Variants in NINL observed in about 807,000 individuals in gnomAD.
NINL encodes ninein-like protein.
Under a neutral mutation model 160.3 loss-of-function variants are expected in NINL, and 153 were observed. The ratio of observed to expected loss-of-function variants is 0.95; its 90% CI spans 0.84 to 1.09. NINL has a LOEUF of 1.09. Among genes scored for constraint, NINL ranks in the 50% least tolerant of loss-of-function variants. NINL has a pLI of 0.00. For synonymous variants in NINL, 800 were observed against 734.8 expected, an observed-to-expected ratio of 1.09 and a Z score of -1.43; for missense variants, 1,829 against 1,764.0, an observed-to-expected ratio of 1.04 and a Z score of -0.66.
intron 1 of NINL, among the ~76,000 whole-genome samples, chr20:25,569,150 C>T (rs2065026753): frequency 6.6e-6 from 1 of 151,342 alleles, no homozygotes; most frequent in Admixed American, 6.6e-5. Context: ...ATCACTTGAA[C>T]CCAGGAGGTG....
rs757495782 is a variant in NINL at position 25,476,273 on chromosome 20, C to A, written c.3018G>T (p.Glu1006Asp). The A allele has an allele frequency of 1.2e-6, 2 of 1,613,620 alleles. No individual in the cohort carries two copies. Among genetic ancestry groups the A allele is most frequent in the Non-Finnish European group, 1.7e-6 (2 of 1,179,968 alleles). The change falls in exon 17 of 24, where the codon GAG (glutamate) becomes GAT (aspartate). Residue 1006 changes from glutamate to aspartate, a missense_variant. Transcript: ENST00000278886. ...CCACACTGTGCTTGTGACACCCAGG[C>A]TCCAGGGCGCCCTCGGCCCGGGCCT... The part of the protein sequence containing the change: ...EQQARAEGAL[E>D]PGCHKHSVEV...
intron 1 of NINL, among the ~76,000 whole-genome samples, chr20:25,555,219 C>T (rs1165661826): frequency 6.6e-6 from 1 of 152,174 alleles, no homozygotes; most frequent in African/African-American, 2.4e-5. Context: ...CTTGTGTCCA[C>T]CTAACCCTGT....
In NINL at chr20:25,468,102, G is replaced by C. The variant is rs191946449; in HGVS notation, c.3354-644C>G. 1.2e-3 allele frequency among the ~76,000 whole-genome samples: 177 copies of C among 152,212 alleles called. 2 individuals are homozygous for C. The highest frequency in any genetic ancestry group is 8.8e-5 in the Non-Finnish European group (6 of 68,010). ...AAAAAAAGGCCAAACAATTGTCCTT[G>C]GATATGGCTACAGTAGTGACAGCAG... is the stretch of plus-strand genomic sequence containing the variant. On this transcript the variant is annotated intron_variant, in intron 18 of 23. Coordinates refer to ENST00000278886, the MANE Select transcript of NINL (RefSeq NM_025176.6).
chr20:25,482,792 G>A (rs991123649), intron 13 of NINL, among the ~76,000 whole-genome samples: 1 of 151,856 alleles, frequency 6.6e-6, no homozygotes, highest in African/African-American at 2.4e-5. Context: ...GGGAGGCCCA[G>A]ATGAGCAGAT....
At chr20:25,477,158 G>C in intron 16 of NINL, 69 bp from the exon 17 acceptor site, 9 of 1,415,808 alleles carry the variant, frequency 6.4e-6, no homozygotes, top group Non-Finnish European at 7.5e-6. Flanking sequence ...TTTGAAGTCT[G>C]CCCAGCTGTT....
In NINL at chr20:25,506,762, T is replaced by C. The variant is rs1200980479; in HGVS notation, c.518-1684A>G. ...TGAAGGACGGCTTCTACTGAATGCA[T>C]ATTGACCTCACACCATCAAGAAGTT... On this transcript the variant is annotated intron_variant, in intron 5 of 23. Coordinates refer to ENST00000278886, the MANE Select transcript of NINL (RefSeq NM_025176.6). Among the ~76,000 whole-genome samples the C allele has an allele frequency of 6.6e-5, 10 of 152,324 alleles. No individual in the cohort carries two copies. The South Asian group carries it at 1.5e-3, about 22-fold the overall frequency.
chr20:25,553,465 C>T (rs1301227468), intron 1 of NINL, among the ~76,000 whole-genome samples: 1 of 152,116 alleles, frequency 6.6e-6, no homozygotes, highest in African/African-American at 2.4e-5. Flanking sequence ...GGGAAAGGTA[C>T]TTTCTGATTT....
intron 2 of NINL, among the ~76,000 whole-genome samples, chr20:25,521,816 C>G (rs537525277): frequency 6.6e-6 from 1 of 152,268 alleles, no homozygotes; most frequent in African/African-American, 2.4e-5. Context: ...TTTGAGGCCC[C>G]CAAGGTCACA....
chr20:25,546,400 T>C (rs1490094575), intron 1 of NINL, among the ~76,000 whole-genome samples: 2 of 152,024 alleles, frequency 1.3e-5, no homozygotes, highest in Non-Finnish European at 2.9e-5. Context: ...AGCATAATGT[T>C]ATAGAACATC....
chr20:25,584,192 C>T (rs1022233264), intron 1 of NINL, among the ~76,000 whole-genome samples: 4 of 152,060 alleles, frequency 2.6e-5, no homozygotes, highest in Admixed American at 6.5e-5. Flanking sequence ...AAAACTTGGC[C>T]GGGTGCAGTG....
chr20:25,457,524 A>G (rs2146287824), intron 22 of NINL, among the ~76,000 whole-genome samples: 1 of 152,336 alleles, frequency 6.6e-6, no homozygotes, highest in Admixed American at 6.5e-5. Context: ...TAACTTTGTC[A>G]ATAATGTAGC....
At chr20:25,481,146 CAGG>C (rs2063379628) in intron 14 of NINL, among the ~76,000 whole-genome samples, 1 of 152,144 alleles carries the variant, frequency 6.6e-6, no homozygotes, top group Admixed American at 6.5e-5. Flanking sequence ...TTCAGGGCAA[CAGG>C]AGAACTCTGA....
chr20:25,537,514 T>G (rs556332066), intron 1 of NINL, among the ~76,000 whole-genome samples: 1 of 152,230 alleles, frequency 6.6e-6, no homozygotes, highest in East Asian at 1.9e-4. Context: ...TGGGGAGGTG[T>G]GAAGTTCATT....
intron 2 of NINL, among the ~76,000 whole-genome samples, chr20:25,518,966 C>T (rs148390471): frequency 3.0e-4 from 46 of 152,086 alleles, no homozygotes; most frequent in East Asian, 9.7e-4. Context: ...GGCATGCTGG[C>T]GTGTGCCTGT....
intron 8 of NINL, chr20:25,499,236 A>C: frequency 1.0e-6 from 1 of 985,392 alleles, no homozygotes; most frequent in Non-Finnish European, 1.2e-6. Flanking sequence ...TCCCTACACA[A>C]GCACACGCTC....
intron 1 of NINL, among the ~76,000 whole-genome samples, chr20:25,536,165 T>C (rs1187359945): frequency 1.3e-5 from 2 of 152,092 alleles, no homozygotes; most frequent in Admixed American, 6.5e-5. Flanking sequence ...CCCAAGAGAC[T>C]ATATAACCCA....
intron 1 of NINL, among the ~76,000 whole-genome samples, chr20:25,565,814 CA>C (rs1158758131): frequency 1.3e-5 from 2 of 152,094 alleles, no homozygotes; most frequent in African/African-American, 2.4e-5. Flanking sequence ...CTGGAGAGAA[CA>C]AAAACAGAGA....
Position 25,476,036 on chromosome 20 carries a change from G to A in NINL, c.3248+7C>T, listed in dbSNP as rs2063223308. 1.1e-5 allele frequency: 17 copies of A among 1,611,148 alleles called. No individual in the cohort carries two copies. The highest frequency in any genetic ancestry group is 1.4e-5 in the Non-Finnish European group (16 of 1,178,638). ...TGTTTAGTTTTAAGAATGAGTAGAA[G>A]GCAAACCTGTCGTTCTCTCTCAAAT... On this transcript the variant is annotated splice_region_variant and intron_variant, in intron 17 of 23. Transcript: ENST00000278886.
At chr20:25,508,775 C>T (rs115622923) in intron 5 of NINL, among the ~76,000 whole-genome samples, 1,962 of 152,376 alleles carry the variant, frequency 0.013, 44 homozygotes, top group African/African-American at 0.044. Context: ...CTCCTTTCAT[C>T]ACTGCCTCCT....
Sources: allele counts gnomAD v4.1 joint callset (sites outside exome capture counted in the v4.1 genomes callset), GRCh38; gene constraint gnomAD v4.1.1; transcripts MANE v1.5; gene names NCBI Gene and HGNC (gene_info 2026-07-23, HGNC 2026-07-21).